ATP8A2: variants seen among roughly 807,000 people sequenced by gnomAD.
The protein encoded by ATP8A2 is phospholipid-transporting ATPase IB.
Under a neutral mutation model 165.6 loss-of-function variants are expected in ATP8A2, and 100 were observed. The observed-to-expected ratio is 0.60, with a 90% CI of 0.51 to 0.71. The LOEUF (loss-of-function observed/expected upper bound fraction) is 0.71, where lower values mean the gene tolerates loss of function less well. Ranked by LOEUF, ATP8A2 falls within the 30% of genes least tolerant of loss-of-function variation. ATP8A2 has a pLI of 0.00. For synonymous variants in ATP8A2, 543 were observed against 548.8 expected, an observed-to-expected ratio of 0.99 and a Z score of 0.15; for missense variants, 1,227 against 1,479.5, an observed-to-expected ratio of 0.83 and a Z score of 2.80.
At chr13:26,014,695 G>A (rs1956927772) in intron 36 of ATP8A2, among the ~76,000 whole-genome samples, 1 of 152,136 alleles carries the variant, frequency 6.6e-6, no homozygotes, top group African/African-American at 2.4e-5. Flanking sequence ...TTTCAATTAG[G>A]AGGATTAAAT....
chr13:25,442,557 G>A (rs2034960453), intron 1 of ATP8A2, among the ~76,000 whole-genome samples: 1 of 152,130 alleles, frequency 6.6e-6, no homozygotes, highest in Non-Finnish European at 1.5e-5. Flanking sequence ...GGGACTATGG[G>A]TGCACACCAC....
intron 33 of ATP8A2, among the ~76,000 whole-genome samples, chr13:25,903,204 A>G (rs1379566441): frequency 2.0e-5 from 3 of 152,126 alleles, no homozygotes; most frequent in Non-Finnish European, 2.9e-5. Flanking sequence ...CATACTAGGA[A>G]CGCAGAGACT....
chr13:25,792,734 G>A (rs1290763865), intron 27 of ATP8A2, among the ~76,000 whole-genome samples: 1 of 151,732 alleles, frequency 6.6e-6, no homozygotes, highest in Admixed American at 6.6e-5. Context: ...AACAAAGTGA[G>A]ACCTCATCTC....
At chr13:25,527,233 T>C (rs1390982942) in intron 2 of ATP8A2, among the ~76,000 whole-genome samples, 1 of 152,154 alleles carries the variant, frequency 6.6e-6, no homozygotes, top group Non-Finnish European at 1.5e-5. Context: ...TAAATTCAAA[T>C]AGGAAGTTTG....
chr13:25,554,005 A>T, intron 12 of ATP8A2, 85 bp downstream of exon 12: 1 of 1,400,854 alleles, frequency 7.1e-7, no homozygotes, highest in South Asian at 1.3e-5. Context: ...AAAAAAGAAG[A>T]ACTATATTCA....
intron 1 of ATP8A2, among the ~76,000 whole-genome samples, chr13:25,409,092 C>T (rs1370047304): frequency 6.6e-6 from 1 of 152,072 alleles, no homozygotes; most frequent in East Asian, 1.9e-4. Flanking sequence ...CTGTAAAGCC[C>T]TCTTTTTTTG....
rs1366436183 is a variant in ATP8A2 at position 26,025,091 on chromosome 13, G to A, written c.*5106G>A. 7.9e-6 allele frequency: 1 copy of A among 127,106 alleles called. No individual in the cohort carries two copies. The highest frequency in any genetic ancestry group is 8.7e-5 in the Admixed American group (1 of 11,480). The allele number at this position is 127,106 out of a possible 1,614,324, so 7.9% of individuals were successfully genotyped here. On this transcript the variant is annotated 3_prime_UTR_variant, in exon 37 of 37. Transcript: ENST00000381655. ...AGATAGCCTGATATGTGGTTTATAG[G>A]TGAATCAATAAACACCAACAACAAC...
chr13:25,486,716 G>C (rs997912943), intron 2 of ATP8A2, among the ~76,000 whole-genome samples: 1 of 152,216 alleles, frequency 6.6e-6, no homozygotes, highest in Non-Finnish European at 1.5e-5. Context: ...TGTAATCCCA[G>C]CACTTTGGGA....
At chr13:25,977,462 G>C (rs563045092) in intron 35 of ATP8A2, among the ~76,000 whole-genome samples, 1 of 152,174 alleles carries the variant, frequency 6.6e-6, no homozygotes, top group South Asian at 2.1e-4. Context: ...TGACCCAGCC[G>C]GGCTTCTGGT....
At chr13:25,915,231 A>G (rs979729710) in intron 33 of ATP8A2, among the ~76,000 whole-genome samples, 3 of 152,228 alleles carry the variant, frequency 2.0e-5, no homozygotes, top group African/African-American at 7.2e-5. Context: ...ACGCTAGTGG[A>G]GCATCTGTCA....
rs996093890 is a variant in ATP8A2, at chr13:25,541,906, T to C, written c.652-13T>C. On this transcript the variant is annotated splice_polypyrimidine_tract_variant and intron_variant, in intron 8 of 36. Coordinates refer to ENST00000381655, the MANE Select transcript of ATP8A2 (RefSeq NM_016529.6). ...GATTGTGTTTGACTTCCTCTTTTGGTTTAATCTTTTAGGGTTTGAGTCACA... is the reference window on the plus strand; with the variant it reads ...GATTGTGTTTGACTTCCTCTTTTGGCTTAATCTTTTAGGGTTTGAGTCACA... 5 of 1,613,760 alleles carry C rather than the reference T, an allele frequency of 3.1e-6. No individual in the cohort carries two copies. The African/African-American group carries it at 6.7e-5, about 22-fold the overall frequency.
At chr13:25,946,361 G>A (rs985746062) in intron 33 of ATP8A2, among the ~76,000 whole-genome samples, 4 of 152,158 alleles carry the variant, frequency 2.6e-5, no homozygotes, top group African/African-American at 9.7e-5. Flanking sequence ...TCCACTGCAT[G>A]GAAGGCAAAA....
chr13:25,935,842 AAATC>A (rs1443958526), intron 33 of ATP8A2, among the ~76,000 whole-genome samples: 1 of 42,192 alleles, frequency 2.4e-5, no homozygotes. Flanking sequence ...CTCCCCAAAT[AAATC>A]AAGCATTATA....
chr13:25,889,275 A>T (rs935669917), intron 33 of ATP8A2, among the ~76,000 whole-genome samples: 22 of 84,932 alleles, frequency 2.6e-4, no homozygotes, highest in African/African-American at 8.7e-4. Context: ...TATATATATA[A>T]AATTTAAATG....
At chr13:25,504,434 T>C (rs2036958978) in intron 2 of ATP8A2, among the ~76,000 whole-genome samples, 1 of 149,942 alleles carries the variant, frequency 6.7e-6, no homozygotes, top group Non-Finnish European at 1.5e-5. Context: ...TTTTTTTTTT[T>C]TTTTTTTTAA....
rs1241931719 is a variant in ATP8A2, at chr13:25,923,475, T to C, written c.3184-38100T>C. ...GCTTTTTCCTACCACCTTTTTCAACTTAAGAAAAATGACGCTATTAATATT... is the reference window on the plus strand; with the variant it reads ...GCTTTTTCCTACCACCTTTTTCAACCTAAGAAAAATGACGCTATTAATATT... On this transcript the variant is annotated intron_variant, in intron 33 of 36. Coordinates refer to ENST00000381655, the MANE Select transcript of ATP8A2 (RefSeq NM_016529.6). Among the ~76,000 whole-genome samples the C allele has an allele frequency of 2.4e-4, 36 of 152,144 alleles. 1 individual carries two copies. Among genetic ancestry groups the C allele is most frequent in the Admixed American group, 2.4e-3 (36 of 15,272 alleles).
intron 33 of ATP8A2, among the ~76,000 whole-genome samples, chr13:25,945,507 G>C (rs530779238): frequency 2.0e-5 from 3 of 152,164 alleles, no homozygotes; most frequent in African/African-American, 7.2e-5. Flanking sequence ...ATTTTCACTG[G>C]GTTATCATAA....
chr13:25,512,029 G>C (rs2037243301), intron 2 of ATP8A2, among the ~76,000 whole-genome samples: 1 of 151,878 alleles, frequency 6.6e-6, no homozygotes, highest in Non-Finnish European at 1.5e-5. Context: ...AGAGGACCCT[G>C]CGGCCTTCCG....
intron 33 of ATP8A2, among the ~76,000 whole-genome samples, chr13:25,928,656 A>G (rs1008881485): frequency 3.9e-5 from 6 of 152,220 alleles, no homozygotes; most frequent in African/African-American, 9.6e-5. Context: ...TCCGTGGATT[A>G]CCCATCTTGT....
Sources: allele counts gnomAD v4.1 joint callset (sites outside exome capture counted in the v4.1 genomes callset), GRCh38; gene constraint gnomAD v4.1.1; transcripts MANE v1.5; gene names NCBI Gene and HGNC (gene_info 2026-07-23, HGNC 2026-07-21).